GRK5: variants seen among roughly 807,000 people sequenced by gnomAD.
GRK5 encodes G protein-coupled receptor kinase 5, also known as g protein-coupled receptor kinase GRK5.
GRK5 carries 40 observed loss-of-function variants against 78.4 expected under a neutral mutation model. The observed-to-expected ratio is 0.51, with a 90% confidence interval of 0.40 to 0.66. The LOEUF is 0.66. Ranked by LOEUF, GRK5 falls within the 30% of genes least tolerant of loss-of-function variation. The pLI is 0.00. For synonymous variants in GRK5, 289 were observed against 296.8 expected (o/e 0.97, Z 0.27); for missense variants, 598 against 759.9 (o/e 0.79, Z 2.50).
chr10:119,341,651 C>T (rs1850983109), intron 2 of GRK5, among the ~76,000 whole-genome samples: 1 of 152,024 alleles, frequency 6.6e-6, no homozygotes, highest in African/African-American at 2.4e-5. Context: ...TGGCTGTGGG[C>T]TCTGTGAGAG....
rs1292383286 is a variant in GRK5 at position 119,412,900 on chromosome 10, C to A, written c.340-10266C>A. ...CGTCGCTGCAGCTGGGTGAGCAGGG[C>A]TGAGTGAGCTCAGGGAATCGGAGCT... On this transcript the variant is annotated intron_variant, in intron 4 of 15. Coordinates refer to ENST00000392870, the MANE Select transcript of GRK5 (RefSeq NM_005308.3). The surrounding 1 kb of genome is among the most constrained non-coding windows in gnomAD (Gnocchi z 4.3). Among the ~76,000 whole-genome samples, 4 of 152,176 alleles carry A rather than the reference C, an allele frequency of 2.6e-5. No individual in the cohort carries two copies. Among genetic ancestry groups the A allele is most frequent in the African/African-American group, 9.7e-5 (4 of 41,440 alleles).
At chr10:119,442,940 A>G (rs1420399456) in intron 11 of GRK5, among the ~76,000 whole-genome samples, 1 of 152,110 alleles carries the variant, frequency 6.6e-6, no homozygotes, top group Non-Finnish European at 1.5e-5. Flanking sequence ...GGATGGGTGG[A>G]TGATAGATCT....
At chr10:119,282,905 T>C (rs556161998) in intron 1 of GRK5, among the ~76,000 whole-genome samples, 163 of 152,326 alleles carry the variant, frequency 1.1e-3, no homozygotes, top group African/African-American at 3.7e-3. Flanking sequence ...AGTCGCCCAG[T>C]TGATGCTGTG....
At chr10:119,383,444 A>C (rs1851745566) in intron 3 of GRK5, among the ~76,000 whole-genome samples, 1 of 152,236 alleles carries the variant, frequency 6.6e-6, no homozygotes, top group African/African-American at 2.4e-5. Flanking sequence ...ACATGGCAAC[A>C]TTCTAATTCT....
At chr10:119,413,743 C>G (rs1033586306) in intron 4 of GRK5, among the ~76,000 whole-genome samples, 1 of 152,058 alleles carries the variant, frequency 6.6e-6, no homozygotes. Flanking sequence ...TTCTGGAGAG[C>G]AACAGGAGTA....
Position 119,436,016 on chromosome 10 carries a change from T to G in GRK5, c.739-635T>G, listed in dbSNP as rs145219215. On this transcript the variant is annotated intron_variant, in intron 8 of 15. Transcript: ENST00000392870. ...AAAACCATCAGGTCTGTGAGACATA[T>G]TCACTACCACAAGAGCAGTATGGGA... Among the ~76,000 whole-genome samples, 662 of 152,300 alleles carry G rather than the reference T, an allele frequency of 4.3e-3. 6 individuals carry two copies. Among genetic ancestry groups the G allele is most frequent in the African/African-American group, 0.015 (627 of 41,558 alleles).
Position 119,403,724 on chromosome 10 carries a change from C to G in GRK5, c.339+6952C>G, listed in dbSNP as rs920365719. 5.3e-5 allele frequency among the ~76,000 whole-genome samples: 8 copies of G among 152,186 alleles called. No homozygotes were observed. The East Asian group carries it at 7.8e-4, about 15-fold the overall frequency. On this transcript the variant is annotated intron_variant, in intron 4 of 15. Transcript: ENST00000392870. The stretch of plus-strand genomic sequence containing the variant: ...TCTCGGCTCACTGTAACCTCCACCC[C>G]CCGGGTTCAAGTGATCCTCCTGCCA...
intron 2 of GRK5, among the ~76,000 whole-genome samples, chr10:119,372,369 A>G (rs1204475547): frequency 6.6e-6 from 1 of 152,256 alleles, no homozygotes; most frequent in Non-Finnish European, 1.5e-5. Flanking sequence ...GAGGCTGAGG[A>G]CAGAAGTTCT....
intron 1 of GRK5, among the ~76,000 whole-genome samples, chr10:119,242,503 G>A (rs1454610275): frequency 6.7e-6 from 1 of 150,156 alleles, no homozygotes; most frequent in Non-Finnish European, 1.5e-5. Flanking sequence ...GCATCCAAGA[G>A]CTGCCCTGGC....
intron 1 of GRK5, among the ~76,000 whole-genome samples, chr10:119,281,444 C>T (rs967533055): frequency 2.0e-5 from 3 of 152,318 alleles, no homozygotes; most frequent in Admixed American, 6.5e-5. Context: ...CATTAGGTGT[C>T]GAGCACCCAG....
chr10:119,390,786 A>G (rs181162680), intron 3 of GRK5, among the ~76,000 whole-genome samples: 5 of 152,196 alleles, frequency 3.3e-5, no homozygotes, highest in African/African-American at 9.6e-5. Context: ...TCATGATTCA[A>G]TTACCTCCCA....
At chr10:119,283,538 G>C (rs76590955) in intron 1 of GRK5, among the ~76,000 whole-genome samples, 2 of 152,208 alleles carry the variant, frequency 1.3e-5, no homozygotes. Flanking sequence ...ACGCCTGCCC[G>C]TGCCCGGGCT....
chr10:119,448,649 C>G (rs1853210003), intron 13 of GRK5, among the ~76,000 whole-genome samples: 1 of 152,186 alleles, frequency 6.6e-6, no homozygotes, highest in South Asian at 2.1e-4. Context: ...TTGACGGCCA[C>G]TACATTCAGT....
At chr10:119,384,108 T>A (rs1387072276) in intron 3 of GRK5, among the ~76,000 whole-genome samples, 1 of 152,196 alleles carries the variant, frequency 6.6e-6, no homozygotes, top group Non-Finnish European at 1.5e-5. Flanking sequence ...GACCACCCAC[T>A]TCTGGCGTTT....
At chr10:119,278,855 C>A (rs191936039) in intron 1 of GRK5, among the ~76,000 whole-genome samples, 69 of 152,254 alleles carry the variant, frequency 4.5e-4, no homozygotes, top group African/African-American at 1.6e-3. Context: ...TGCACCTGCA[C>A]CCCGGTGTCT....
chr10:119,211,735 T>C (rs1465117662), intron 1 of GRK5: 1 of 152,240 alleles, frequency 6.6e-6, no homozygotes, highest in Non-Finnish European at 1.5e-5. Flanking sequence ...GTGACTTGGC[T>C]GGATCTTCCT....
At chr10:119,428,051 C>G (rs1412275284) in intron 6 of GRK5, among the ~76,000 whole-genome samples, 1 of 152,270 alleles carries the variant, frequency 6.6e-6, no homozygotes, top group Non-Finnish European at 1.5e-5. Context: ...CCAACTCTTG[C>G]TGGAGGATCA....
chr10:119,425,174 T>A, intron 6 of GRK5, 89 bp downstream of exon 6: 1 of 945,352 alleles, frequency 1.1e-6, no homozygotes, highest in Non-Finnish European at 1.7e-6. Context: ...TTACCTCCCG[T>A]GGGCTCATGG....
At position 119,366,104 on chromosome 10, in the gene GRK5, G is replaced by GGT. The variant is rs146158961; in HGVS notation, c.149-14708_149-14707dup. On this transcript the variant is annotated intron_variant, in intron 2 of 15. Coordinates refer to ENST00000392870, the MANE Select transcript of GRK5 (RefSeq NM_005308.3). ...TCCTGTTGGCTTAAGGACTTGCCCT[G>GGT]GTGTAGGTCTCAGCACAGGAATGTG... Among the ~76,000 whole-genome samples the GGT allele has an allele frequency of 3.4e-3, 517 of 152,316 alleles. 2 individuals carry two copies. The highest frequency in any genetic ancestry group is 6.2e-3 in the Non-Finnish European group (421 of 68,022).
Sources: gnomAD v4.1 joint callset for allele counts (sites outside exome capture counted in the v4.1 genomes callset) on GRCh38, gnomAD v4.1.1 for gene constraint, Gnocchi (gnomAD v3.1) non-coding constraint, MANE v1.5 for transcripts, NCBI Gene and HGNC (gene_info 2026-07-23, HGNC 2026-07-21) for gene names.